The following CCDC88C variants were observed in gnomAD, a reference collection of about 807,000 sequenced individuals.
CCDC88C encodes protein Daple.
A neutral mutation model predicts 198.8 loss-of-function variants in CCDC88C; 131 were observed. The ratio of observed to expected loss-of-function variants is 0.66; its 90% CI spans 0.57 to 0.76. CCDC88C has a LOEUF of 0.76. Ranked by LOEUF, CCDC88C falls within the 30% of genes least tolerant of loss-of-function variation. The pLI is 0.00. For synonymous variants in CCDC88C, 1,166 were observed against 1,114.7 expected (o/e 1.05, Z -0.92); for missense variants, 2,553 against 2,631.6 (o/e 0.97, Z 0.65).
Position 91,284,114 on chromosome 14 carries a change from CA to C in CCDC88C, c.4442-598del, listed in dbSNP as rs2139730265. 6.6e-6 allele frequency among the ~76,000 whole-genome samples: 1 copy of C among 152,248 alleles called. No individual in the cohort carries two copies. The highest frequency in any genetic ancestry group is 1.9e-4 in the East Asian group (1 of 5,186). On this transcript the variant is annotated intron_variant, in intron 25 of 29. Transcript: ENST00000389857. This position sits in a 1 kb window ranked among gnomAD's most constrained non-coding sequence, Gnocchi z 4.1. ...TTCTACCATGAACATAAACTCTGGT[CA>C]AAATTAAATAAAAACATATAAAATC... is the stretch of plus-strand genomic sequence containing the variant.
In CCDC88C at chr14:91,313,888, T is replaced by G; in HGVS notation, c.1928A>C (p.Glu643Ala). 1 of 1,609,176 alleles carries G rather than the reference T, an allele frequency of 6.2e-7. No individual in the cohort carries two copies. Among genetic ancestry groups the G allele is most frequent in the South Asian group, 1.1e-5 (1 of 90,964 alleles). ...CACCTTCCTGGCCAGCCTCCCGTTC[T>G]CCTCCTGGAGTCGCTGTAGCTCCCT... ...LERELQRLQE[E>A]NGRLARKVTS... Residue 643 changes from glutamate to alanine, a missense_variant, in exon 15 of 30, where the codon GAG becomes GCG. By Grantham distance (107) the Glu-to-Ala change is moderately radical (BLOSUM62 -1). Transcript: ENST00000389857. This position sits in a 1 kb window ranked among gnomAD's most constrained non-coding sequence, Gnocchi z 5.2.
In CCDC88C at chr14:91,321,131, G is replaced by A; in HGVS notation, c.1516C>T (p.Leu506Phe). 1 of 1,610,182 alleles carries A rather than the reference G, an allele frequency of 6.2e-7. No individual in the cohort carries two copies. The highest frequency in any genetic ancestry group is 8.5e-7 in the Non-Finnish European group (1 of 1,178,202). ...GGAGGCCGAGGTACCTTCTTGCTGAGCTGGTGGTTCTCCTTCTCCAGCTCC... is the reference window on the plus strand; with the variant it reads ...GGAGGCCGAGGTACCTTCTTGCTGAACTGGTGGTTCTCCTTCTCCAGCTCC... Reference protein sequence around the residue: ...CGELEKENHQLSKKIEKLQTQ... With the variant: ...CGELEKENHQFSKKIEKLQTQ... The change falls in exon 13 of 30, where the codon CTC becomes TTC. Residue 506 changes from leucine to phenylalanine, a missense_variant. By Grantham distance (22) the Leu-to-Phe change is conservative (BLOSUM62 0). Transcript: ENST00000389857.
chr14:91,279,301 G>A lies in CCDC88C; in HGVS notation c.4705C>T (p.Arg1569Trp), dbSNP rs544395625. The A allele has an allele frequency of 1.2e-5, 19 of 1,598,878 alleles. No homozygotes were observed. Among genetic ancestry groups the A allele is most frequent in the Admixed American group, 1.0e-4 (6 of 58,098 alleles). Residue 1569 changes from arginine (R) to tryptophan (W), a missense_variant, in exon 28 of 30, where the codon CGG becomes TGG. Physicochemically the swap from Arg to Trp is moderately radical, Grantham distance 101. This residue lies in a region of CCDC88C where 1,293 missense variants were observed against 1,219.6 expected (regional missense o/e 1.06). Coordinates refer to ENST00000389857, the MANE Select transcript of CCDC88C (RefSeq NM_001080414.4). ...EVPNHRQYVS[R>W]PSSLESSRNT... is the part of the protein sequence containing the mutation. ...CTACTGCTCTCTAAGCTACTTGGCCGCGACACTGAAAGGAAATGGCAGTGT... is the reference window on the plus strand; with the variant it reads ...CTACTGCTCTCTAAGCTACTTGGCCACGACACTGAAAGGAAATGGCAGTGT...
chr14:91,406,196 C>G (rs915561277), intron 3 of CCDC88C, among the ~76,000 whole-genome samples: 1 of 152,242 alleles, frequency 6.6e-6, no homozygotes, highest in Non-Finnish European at 1.5e-5. Flanking sequence ...TTTTGCCCGG[C>G]CCAGAGCTGG....
In CCDC88C at chr14:91,281,368, C is replaced by A. The variant is rs535142010; in HGVS notation, c.4699+89G>T. ...CCACCTTCATTTGGTGTTGGACTCC[C>A]GTACAGGACTCAGCTTAAAGGAAAG... On this transcript the variant is annotated intron_variant, in intron 27 of 29. Coordinates refer to ENST00000389857, the MANE Select transcript of CCDC88C (RefSeq NM_001080414.4). 3.1e-6 allele frequency: 5 copies of A among 1,597,236 alleles called. No homozygotes were observed. In the East Asian group the frequency reaches 1.1e-4, roughly 36 times the overall value.
At chr14:91,335,370 G>A (rs1298590722) in intron 10 of CCDC88C, among the ~76,000 whole-genome samples, 3 of 151,932 alleles carry the variant, frequency 2.0e-5, no homozygotes, top group African/African-American at 4.8e-5. Context: ...ACCTCTCACC[G>A]TCCACCCAGA....
At chr14:91,382,787 C>T (rs944956423) in intron 3 of CCDC88C, among the ~76,000 whole-genome samples, 4 of 152,310 alleles carry the variant, frequency 2.6e-5, no homozygotes, top group East Asian at 1.9e-4. Flanking sequence ...ACCCAGGCTA[C>T]GCACCCGCTT....
At position 91,296,618 on chromosome 14, in the gene CCDC88C, C is replaced by A. The variant is rs745735528; in HGVS notation, c.3966+687G>T. 2.0e-5 allele frequency among the ~76,000 whole-genome samples: 3 copies of A among 152,202 alleles called. No individual in the cohort carries two copies. The South Asian group carries it at 6.2e-4, about 32-fold the overall frequency. ...TGTGACAAGGCATCTTGGCACCCTG[C>A]GCCTCGGTTTCCTCATTTGTGATGT... is the stretch of plus-strand genomic sequence containing the variant. On this transcript the variant is annotated intron_variant, in intron 22 of 29. Transcript: ENST00000389857.
intron 1 of CCDC88C, chr14:91,417,188 GC>G (rs147942523): frequency 0.017 from 12,157 of 702,984 alleles, 341 homozygotes; most frequent in Admixed American, 0.074. Context: ...CCCATTCGGC[GC>G]CCCCCATTCC....
intron 10 of CCDC88C, among the ~76,000 whole-genome samples, chr14:91,328,044 G>C (rs1892649713): frequency 6.7e-6 from 1 of 149,778 alleles, no homozygotes; most frequent in African/African-American, 2.4e-5. Flanking sequence ...AGGCAGGACT[G>C]TTGTGCTTTT....
intron 4 of CCDC88C, among the ~76,000 whole-genome samples, chr14:91,344,403 C>T (rs10151576): frequency 0.29 from 43,453 of 152,028 alleles, 6,426 homozygotes; most frequent in Non-Finnish European, 0.33. Context: ...CACTCAGCCT[C>T]ACATTATCAA....
chr14:91,315,400 C>G (rs1892047738), intron 14 of CCDC88C, among the ~76,000 whole-genome samples: 2 of 152,172 alleles, frequency 1.3e-5, no homozygotes, highest in Admixed American at 6.5e-5. Flanking sequence ...GCACCACCCC[C>G]TCTCTTCCCC....
In CCDC88C at chr14:91,408,685, C is replaced by T. The variant is rs769113965; in HGVS notation, c.244G>A (p.Val82Met). 2.1e-5 allele frequency: 34 copies of T among 1,612,432 alleles called. No homozygotes were observed. In the East Asian group the frequency reaches 6.7e-4, roughly 32 times the overall value. The stretch of plus-strand genomic sequence containing the variant: ...TGGTAGTAGGTCTTAATGTTTCTCA[C>T]CAAGATGGTCAAATTCTGAATGCGA... ...NLRIQNLTIL[V>M]RNIKTYYQEV... Residue 82 changes from valine (V) to methionine (M), a missense_variant, in exon 3 of 30, where the codon GTG becomes ATG. Val to Met is a conservative substitution (Grantham distance 21). This residue lies in a region of CCDC88C where 1,260 missense variants were observed against 1,412.0 expected (regional missense o/e 0.89). Transcript: ENST00000389857.
intron 10 of CCDC88C, among the ~76,000 whole-genome samples, chr14:91,330,180 C>T (rs1327354400): frequency 3.3e-5 from 5 of 152,348 alleles, no homozygotes; most frequent in South Asian, 2.1e-4. Context: ...GAAAGTGCCA[C>T]GTGATGAGCA....
chr14:91,360,519 G>A (rs1894263557), intron 3 of CCDC88C, among the ~76,000 whole-genome samples: 1 of 152,196 alleles, frequency 6.6e-6, no homozygotes, highest in Non-Finnish European at 1.5e-5. Context: ...TGATGGTTCA[G>A]GATCCAGCAC....
In CCDC88C at chr14:91,311,868, T is replaced by C. The variant is rs191682306; in HGVS notation, c.2736+1212A>G. Among the ~76,000 whole-genome samples, 370 of 152,250 alleles carry C rather than the reference T, an allele frequency of 2.4e-3. 2 individuals are homozygous for C. Among genetic ancestry groups the C allele is most frequent in the African/African-American group, 8.6e-3 (357 of 41,526 alleles). Reference sequence around the variant, plus strand: ...TGAGAATATACCCTAAAAAATAGTTTGATTCATGAAGGTCTATGTATACAA... The same window carrying C: ...TGAGAATATACCCTAAAAAATAGTTCGATTCATGAAGGTCTATGTATACAA... On this transcript the variant is annotated intron_variant, in intron 15 of 29. Transcript: ENST00000389857.
intron 19 of CCDC88C, 113 bp downstream of exon 19, chr14:91,305,652 T>G (rs1397869869): frequency 1.1e-5 from 11 of 1,017,460 alleles, no homozygotes; most frequent in Non-Finnish European, 1.5e-5. Context: ...CAAACTGCTT[T>G]GTGCTTTGAT....
intron 10 of CCDC88C, among the ~76,000 whole-genome samples, chr14:91,326,921 C>T (rs897815374): frequency 1.3e-5 from 2 of 152,206 alleles, no homozygotes; most frequent in Admixed American, 6.5e-5. Context: ...CAAATGTGAG[C>T]TCCACAAATG....
intron 3 of CCDC88C, among the ~76,000 whole-genome samples, chr14:91,404,307 C>G (rs1477473237): frequency 6.6e-6 from 1 of 152,210 alleles, no homozygotes; most frequent in Non-Finnish European, 1.5e-5. Context: ...TGAGACCCTG[C>G]CTTCCTGTCC....
Sources: allele counts gnomAD v4.1 joint callset (sites outside exome capture counted in the v4.1 genomes callset), GRCh38; gene constraint gnomAD v4.1.1; regional missense constraint gnomAD v4.1.1; non-coding constraint Gnocchi (gnomAD v3.1); transcripts MANE v1.5; gene names NCBI Gene and HGNC (gene_info 2026-07-23, HGNC 2026-07-21).